LCOR: variants seen among roughly 807,000 people sequenced by gnomAD.
The protein encoded by LCOR is ligand-dependent corepressor.
A neutral mutation model predicts 64.4 loss-of-function variants in LCOR; 14 were observed. The observed-to-expected ratio is 0.22, with a 90% CI of 0.14 to 0.34. The LOEUF is 0.34. Among genes scored for constraint, LCOR ranks in the 10% least tolerant of loss-of-function variants. LCOR has a pLI of 1.00. For synonymous variants in LCOR, 643 were observed against 642.5 expected (o/e 1.00, Z -0.01); for missense variants, 1,686 against 1,765.3 (o/e 0.96, Z 0.80).
In LCOR at chr10:96,981,689, C is replaced by A; in HGVS notation, c.1229C>A (p.Pro410His). ...AATAAGGTGGGTTACCATTTACATC[C>A]CAGTGATAAGGGCCAGTTTGATCAT... ...GRNKVGYHLH[P>H]SDKGQFDHSK... The change falls in exon 8 of 8, where the codon CCC becomes CAC. Residue 410 changes from proline (P) to histidine (H), a missense_variant. Pro to His is a moderately conservative substitution (Grantham distance 77). Coordinates refer to ENST00000421806, the MANE Select transcript of LCOR (RefSeq NM_001346516.2). 1 of 1,614,192 alleles carries A rather than the reference C, an allele frequency of 6.2e-7. No homozygotes were observed. The highest frequency in any genetic ancestry group is 8.5e-7 in the Non-Finnish European group (1 of 1,180,032).
At chr10:96,920,551 T>G (rs972402808) in intron 4 of LCOR, among the ~76,000 whole-genome samples, 2 of 147,376 alleles carry the variant, frequency 1.4e-5, no homozygotes, top group African/African-American at 5.0e-5. Flanking sequence ...TATATTCATA[T>G]ATATGTGTAT....
At chr10:96,843,468 C>T (rs1845575982) in intron 2 of LCOR, among the ~76,000 whole-genome samples, 2 of 152,144 alleles carry the variant, frequency 1.3e-5, no homozygotes, top group Non-Finnish European at 1.5e-5. Flanking sequence ...TAGGTATTTA[C>T]CCTTATATCT....
At chr10:96,965,887 G>A (rs944048771) in intron 7 of LCOR, among the ~76,000 whole-genome samples, 18 of 151,920 alleles carry the variant, frequency 1.2e-4, no homozygotes, top group African/African-American at 4.1e-4. Flanking sequence ...ATTTCCTGCC[G>A]TTACTCATTA....
intron 2 of LCOR, among the ~76,000 whole-genome samples, chr10:96,858,033 C>A (rs1266404401): frequency 2.0e-5 from 3 of 152,128 alleles, no homozygotes; most frequent in Non-Finnish European, 4.4e-5. Flanking sequence ...AAAATAAAAA[C>A]TAAGATGAGA....
intron 2 of LCOR, among the ~76,000 whole-genome samples, chr10:96,863,835 G>C (rs1028787222): frequency 1.3e-5 from 2 of 152,196 alleles, no homozygotes; most frequent in African/African-American, 2.4e-5. Context: ...CAGAATGCTA[G>C]TTGCCTTCTT....
intron 2 of LCOR, among the ~76,000 whole-genome samples, chr10:96,883,078 TC>T (rs1846289639): frequency 1.3e-5 from 2 of 152,274 alleles, no homozygotes; most frequent in Admixed American, 1.3e-4. Context: ...ATGTTGTTGT[TC>T]AGGCTGGAGT....
chr10:96,897,114 A>AC (rs1554835318), intron 2 of LCOR, among the ~76,000 whole-genome samples: 8 of 151,532 alleles, frequency 5.3e-5, no homozygotes, highest in Admixed American at 6.6e-5. Flanking sequence ...AAAAAAAAAA[A>AC]AAACCCAAAA....
intron 2 of LCOR, among the ~76,000 whole-genome samples, chr10:96,875,409 A>G (rs1846147506): frequency 6.6e-6 from 1 of 151,976 alleles, no homozygotes; most frequent in African/African-American, 2.4e-5. Context: ...CCTAGTATAA[A>G]ACAGAACATA....
At chr10:96,944,675 T>G (rs1323182715) in intron 5 of LCOR, among the ~76,000 whole-genome samples, 1 of 151,972 alleles carries the variant, frequency 6.6e-6, no homozygotes, top group Non-Finnish European at 1.5e-5. Context: ...TGTAAGCATT[T>G]TTTTCTGATA....
At chr10:96,906,629 T>A (rs897263734) in intron 2 of LCOR, among the ~76,000 whole-genome samples, 2 of 152,222 alleles carry the variant, frequency 1.3e-5, no homozygotes, top group African/African-American at 2.4e-5. Context: ...TTTAAACATT[T>A]GTGTACAAGT....
At chr10:96,926,725 C>T (rs1202213066) in intron 4 of LCOR, among the ~76,000 whole-genome samples, 2 of 151,952 alleles carry the variant, frequency 1.3e-5, no homozygotes, top group Non-Finnish European at 2.9e-5. Flanking sequence ...TTCCCAGACT[C>T]CCAGACCTGC....
At chr10:96,977,538 C>A (rs985085781) in intron 7 of LCOR, among the ~76,000 whole-genome samples, 4 of 151,854 alleles carry the variant, frequency 2.6e-5, no homozygotes, top group Admixed American at 1.3e-4. Context: ...AGACTTCCAT[C>A]AAAAAAAATT....
chr10:96,890,527 C>G (rs1402510096), intron 2 of LCOR, among the ~76,000 whole-genome samples: 1 of 152,186 alleles, frequency 6.6e-6, no homozygotes, highest in East Asian at 1.9e-4. Context: ...TTTACTTGGT[C>G]TTTCCAATTT....
rs970397927 is a variant in LCOR at position 96,986,122 on chromosome 10, A to G, written c.*988A>G. 15 of 167,108 alleles carry G rather than the reference A, an allele frequency of 9.0e-5. No homozygotes were observed. Among genetic ancestry groups the G allele is most frequent in the African/African-American group, 2.9e-4 (12 of 41,458 alleles). 10.4% of individuals were successfully genotyped at this position (167,108 alleles called of 1,614,324 possible). A position where few individuals can be genotyped will look rare whatever the true frequency, so the allele number is the denominator to read the frequency against. On this transcript the variant is annotated 3_prime_UTR_variant, in exon 8 of 8. Coordinates refer to ENST00000421806, the MANE Select transcript of LCOR (RefSeq NM_001346516.2). ...GAAAGGTTTAAGAATATGTATGTCCATGTGTGTTTGGGTGCATTTGCATGT... is the reference window on the plus strand; with the variant it reads ...GAAAGGTTTAAGAATATGTATGTCCGTGTGTGTTTGGGTGCATTTGCATGT...
At chr10:96,855,333 G>A (rs757869765) in intron 2 of LCOR, among the ~76,000 whole-genome samples, 17 of 148,452 alleles carry the variant, frequency 1.1e-4, no homozygotes, top group Non-Finnish European at 1.8e-4. Flanking sequence ...AAACTTACTC[G>A]AGCCGATAAT....
At chr10:96,844,095 CCCTCCCTCCCTT>C (rs1845586340) in intron 2 of LCOR, among the ~76,000 whole-genome samples, 1 of 99,494 alleles carries the variant, frequency 1.0e-5, no homozygotes, top group African/African-American at 6.0e-5. Flanking sequence ...TTCCCACCCT[CCCTCCCTCCCTT>C]CCTTCCCCCC....
chr10:96,983,354 G>C lies in LCOR; in HGVS notation c.2894G>C (p.Ser965Thr). 6.2e-7 allele frequency: 1 copy of C among 1,614,214 alleles called. No individual in the cohort carries two copies. Among genetic ancestry groups the C allele is most frequent in the Non-Finnish European group, 8.5e-7 (1 of 1,180,050 alleles). ...AAGAATGCTCATATCCCCTCAGAAA[G>C]TATTGCTTGTAAGAGGGACCCAGAA... ...DEKNAHIPSE[S>T]IACKRDPEQA... is the part of the protein sequence containing the mutation. Residue 965 changes from serine (S) to threonine (T), a missense_variant, in exon 8 of 8, where the codon AGT becomes ACT. Transcript: ENST00000421806. This position sits in a 1 kb window ranked among gnomAD's most constrained non-coding sequence, Gnocchi z 4.5.
At position 96,984,245 on chromosome 10, in the gene LCOR, G is replaced by A. The variant is rs201744063; in HGVS notation, c.3785G>A (p.Arg1262Gln). 1.7e-4 allele frequency: 269 copies of A among 1,614,144 alleles called. No individual in the cohort carries two copies. The highest frequency in any genetic ancestry group is 3.3e-4 in the Middle Eastern group (2 of 6,060). The change falls in exon 8 of 8, where the codon CGA becomes CAA. Residue 1262 changes from arginine (R) to glutamine (Q), a missense_variant. Physicochemically the swap from Arg to Gln is conservative, Grantham distance 43. This residue lies in a region of LCOR where 1,293 missense variants were observed against 1,410.4 expected (regional missense o/e 0.92). Coordinates refer to ENST00000421806, the MANE Select transcript of LCOR (RefSeq NM_001346516.2). Reference protein sequence around the residue: ...WKMQKLWAKFRENPDQVEPED... With the variant: ...WKMQKLWAKFQENPDQVEPED... ...ATGCAGAAGCTCTGGGCCAAATTTC[G>A]AGAGAATCCTGATCAAGTGGAGCCA...
At chr10:96,920,379 T>G (rs1847026714) in intron 4 of LCOR, among the ~76,000 whole-genome samples, 1 of 149,234 alleles carries the variant, frequency 6.7e-6, no homozygotes, top group African/African-American at 2.4e-5. Flanking sequence ...TAGTTCTTCA[T>G]TCATATATAT....
Sources: allele counts gnomAD v4.1 joint callset (sites outside exome capture counted in the v4.1 genomes callset), GRCh38; gene constraint gnomAD v4.1.1; regional missense constraint gnomAD v4.1.1; non-coding constraint Gnocchi (gnomAD v3.1); transcripts MANE v1.5; gene names NCBI Gene and HGNC (gene_info 2026-07-23, HGNC 2026-07-21).